The following TPRG1 variants were observed in gnomAD, a reference collection of about 807,000 sequenced individuals.
TPRG1 encodes tumor protein p63 regulated 1.
A neutral mutation model predicts 29.3 loss-of-function variants in TPRG1; 29 were observed. The observed-to-expected ratio is 0.99, with a 90% CI of 0.74 to 1.35. The LOEUF (loss-of-function observed/expected upper bound fraction) is 1.35, where lower values mean the gene tolerates loss of function less well. TPRG1 is among the 40% of genes most tolerant of loss of function. TPRG1 has a pLI of 0.00. For missense variants in TPRG1, 327 were observed against 335.0 expected (o/e 0.98, Z 0.19); for synonymous variants, 130 against 116.8 (o/e 1.11, Z -0.73).
rs987866202 is a variant in TPRG1, at chr3:189,319,210, T to G, written c.634-1416T>G. On this transcript the variant is annotated intron_variant, in intron 5 of 5. Transcript: ENST00000345063. ...CATTCTTGACTTCTGGGTCTGTGAT[T>G]ATTATTATGAAAAATTTATAGACAT... Among the ~76,000 whole-genome samples the G allele has an allele frequency of 5.3e-5, 8 of 152,182 alleles. No homozygotes were observed. In the East Asian group the frequency reaches 7.7e-4, roughly 15 times the overall value.
intron 5 of TPRG1, among the ~76,000 whole-genome samples, chr3:189,161,080 A>G (rs1727413043): frequency 6.6e-6 from 1 of 152,218 alleles, no homozygotes; most frequent in African/African-American, 2.4e-5. Context: ...TCCTGGGATG[A>G]TCAGGACAAT....
At chr3:189,262,688 G>A (rs1019693750) in intron 4 of TPRG1, among the ~76,000 whole-genome samples, 2 of 152,240 alleles carry the variant, frequency 1.3e-5, no homozygotes, top group African/African-American at 4.8e-5. Context: ...ACACTTAGTA[G>A]TGTAAAATAA....
Position 189,128,843 on chromosome 3 carries a change from C to T in TPRG1, c.-590+1633C>T, listed in dbSNP as rs146853340. ...GGAGTGCAAGGGCGCAATCTCGGCT[C>T]ACTGCAACTTCCACCTCCCGGGTTC... On this transcript the variant is annotated intron_variant, in intron 2 of 6. Coordinates refer to the TPRG1 transcript ENST00000412373. Among the ~76,000 whole-genome samples the T allele has an allele frequency of 7.9e-4, 121 of 152,308 alleles. 2 individuals are homozygous for T. The Middle Eastern group carries it at 0.024, about 30-fold the overall frequency.
At chr3:189,225,714 G>A (rs1056437254) in intron 3 of TPRG1, among the ~76,000 whole-genome samples, 4 of 148,432 alleles carry the variant, frequency 2.7e-5, no homozygotes, top group Non-Finnish European at 4.5e-5. Context: ...AAAATGTCCT[G>A]TAGGGAGGGT....
intron 1 of TPRG1, among the ~76,000 whole-genome samples, chr3:189,177,681 A>G (rs7635199): frequency 0.34 from 52,151 of 151,592 alleles, 9,118 homozygotes; most frequent in South Asian, 0.52. Context: ...TCAGTGGTGT[A>G]CCAAATGGGA....
At chr3:189,101,933 ATTGTT>A (rs1719252765) in intron 1 of TPRG1, among the ~76,000 whole-genome samples, 1 of 152,114 alleles carries the variant, frequency 6.6e-6, no homozygotes, top group African/African-American at 2.4e-5. Context: ...AGGTGCTGCT[ATTGTT>A]TTATTTTAAT....
At chr3:189,218,405 C>T (rs1219037072) in intron 3 of TPRG1, among the ~76,000 whole-genome samples, 2 of 152,082 alleles carry the variant, frequency 1.3e-5, no homozygotes, top group Non-Finnish European at 2.9e-5. Context: ...CGTGAGCCAT[C>T]GCGCCCGGCC....
At chr3:189,110,697 A>C (rs1560454204) in intron 1 of TPRG1, among the ~76,000 whole-genome samples, 1 of 151,962 alleles carries the variant, frequency 6.6e-6, no homozygotes, top group Non-Finnish European at 1.5e-5. Context: ...AAGTTTGATA[A>C]TTCTAGGTTT....
rs149177739 is a variant in TPRG1 at position 189,231,265 on chromosome 3, C to CATATATATATATATATATAT, written c.303-7467_303-7448dup. On this transcript the variant is annotated intron_variant, in intron 3 of 5. Transcript: ENST00000345063. Reference sequence around the variant, plus strand: ...CTCTCTCATACAAACACCTATAAAACATATATATATATATATATATGCACA... The same window carrying CATATATATATATATATATAT: ...CTCTCTCATACAAACACCTATAAAACATATATATATATATATATATATATATATATATATATATATGCACA... Among the ~76,000 whole-genome samples, 130 of 144,256 alleles carry CATATATATATATATATATAT rather than the reference C, an allele frequency of 9.0e-4. 1 individual carries two copies. Among genetic ancestry groups the CATATATATATATATATATAT allele is most frequent in the Middle Eastern group, 3.5e-3 (1 of 282 alleles). The allele number at this position is 144,256 out of a possible 152,430, so 94.6% of individuals were successfully genotyped here.
chr3:189,002,301 T>C (rs944150947), intron 2 of TPRG1, among the ~76,000 whole-genome samples: 3 of 152,168 alleles, frequency 2.0e-5, no homozygotes, highest in African/African-American at 7.2e-5. Flanking sequence ...TTTTTTTCCT[T>C]GTTACTTTCC....
intron 3 of TPRG1, among the ~76,000 whole-genome samples, chr3:189,010,219 T>C (rs929862411): frequency 6.6e-6 from 1 of 152,150 alleles, no homozygotes; most frequent in Non-Finnish European, 1.5e-5. Context: ...GTTGATTCCA[T>C]GTCTTTGCTG....
chr3:189,235,461 C>A (rs1314678991), intron 3 of TPRG1, among the ~76,000 whole-genome samples: 1 of 151,952 alleles, frequency 6.6e-6, no homozygotes, highest in East Asian at 1.9e-4. Flanking sequence ...TAGGACTAGG[C>A]ATGGAATGTG....
intron 4 of TPRG1, among the ~76,000 whole-genome samples, chr3:189,053,131 T>C (rs1355558497): frequency 6.6e-6 from 1 of 152,246 alleles, no homozygotes; most frequent in African/African-American, 2.4e-5. Context: ...TCAATTATCT[T>C]AGCTAAATCT....
intron 4 of TPRG1, among the ~76,000 whole-genome samples, chr3:189,284,353 C>T (rs887295770): frequency 4.2e-5 from 5 of 118,204 alleles, no homozygotes; most frequent in South Asian, 3.6e-4. Flanking sequence ...CCTCCCCCCC[C>T]CTCCCCCCAC....
chr3:189,087,354 G>A (rs565198049), intron 4 of TPRG1, among the ~76,000 whole-genome samples: 1 of 152,112 alleles, frequency 6.6e-6, no homozygotes, highest in South Asian at 2.1e-4. Context: ...TGATGGGGTC[G>A]TTAGTTTTTT....
chr3:189,160,756 A>G (rs371904397), intron 5 of TPRG1, among the ~76,000 whole-genome samples: 278 of 152,350 alleles, frequency 1.8e-3, no homozygotes, highest in African/African-American at 6.5e-3. Context: ...CCTGTTTCCA[A>G]GGATACTCTT....
Position 189,116,420 on chromosome 3 carries a change from A to C in TPRG1, c.-743-10637A>C, listed in dbSNP as rs181652095. On this transcript the variant is annotated intron_variant, in intron 1 of 6. Coordinates refer to the TPRG1 transcript ENST00000412373. ...TGTTGAACTCCTGACCTCGTGATCCACCCACCTTGGCCTCCCAAAGTGCTG... is the reference window on the plus strand; with the variant it reads ...TGTTGAACTCCTGACCTCGTGATCCCCCCACCTTGGCCTCCCAAAGTGCTG... Among the ~76,000 whole-genome samples, 11 of 152,106 alleles carry C rather than the reference A, an allele frequency of 7.2e-5. No homozygotes were observed. In the East Asian group the frequency reaches 2.1e-3, roughly 29 times the overall value.
intron 4 of TPRG1, among the ~76,000 whole-genome samples, chr3:189,279,323 G>A (rs1716703164): frequency 6.6e-6 from 1 of 152,154 alleles, no homozygotes; most frequent in African/African-American, 2.4e-5. Context: ...TGATTCAGTT[G>A]AAGGTAGAGA....
At chr3:189,132,554 G>GCC (rs1284764449) in exon 3 of TPRG1, 1 of 152,214 alleles carries the variant, frequency 6.6e-6, no homozygotes, top group African/African-American at 2.4e-5. Flanking sequence ...CACCATTGCA[G>GCC]CCCGACCGCA....
Sources: gnomAD v4.1 joint callset for allele counts (sites outside exome capture counted in the v4.1 genomes callset) on GRCh38, gnomAD v4.1.1 for gene constraint, MANE v1.5 for transcripts, NCBI Gene and HGNC (gene_info 2026-07-23, HGNC 2026-07-21) for gene names.